Variants in ZNF107 observed in about 807,000 individuals in gnomAD.
ZNF107 encodes zinc finger protein 107.
Under a neutral mutation model 12.3 loss-of-function variants are expected in ZNF107, and 19 were observed. The observed-to-expected ratio is 1.55, with a 90% CI of 1.08 to 2.27. ZNF107 has a LOEUF of 2.27. Ranked by LOEUF, ZNF107 falls within the 30% of genes most tolerant of loss-of-function variation. ZNF107 has a pLI of 0.00. For synonymous variants in ZNF107, 317 were observed against 330.5 expected, an observed-to-expected ratio of 0.96 and a Z score of 0.44; for missense variants, 958 against 979.9, an observed-to-expected ratio of 0.98 and a Z score of 0.30.
chr7:64,680,786 T>A (rs1789631747), intron 1 of ZNF107, among the ~76,000 whole-genome samples: 1 of 152,206 alleles, frequency 6.6e-6, no homozygotes, highest in Admixed American at 6.5e-5. Flanking sequence ...TTAATTAACC[T>A]TGCCTTTAAG....
intron 3 of ZNF107, among the ~76,000 whole-genome samples, chr7:64,698,914 TCTC>T (rs748278794): frequency 6.6e-6 from 1 of 152,192 alleles, no homozygotes; most frequent in East Asian, 1.9e-4. Context: ...GATATCCAGT[TCTC>T]AACATTATTT....
chr7:64,670,805 C>T (rs752896773), intron 1 of ZNF107, among the ~76,000 whole-genome samples: 33 of 152,126 alleles, frequency 2.2e-4, no homozygotes, highest in Non-Finnish European at 1.8e-4. Context: ...GTAAACTGGT[C>T]GACATAACCA....
chr7:64,684,814 C>A, intron 1 of ZNF107: 1 of 836,874 alleles, frequency 1.2e-6, no homozygotes, highest in Non-Finnish European at 1.4e-6. Flanking sequence ...TCTATCCCTC[C>A]TGCTCCTTTG....
At chr7:64,680,662 C>G (rs986423311) in intron 1 of ZNF107, among the ~76,000 whole-genome samples, 3 of 152,202 alleles carry the variant, frequency 2.0e-5, no homozygotes, top group African/African-American at 7.2e-5. Context: ...GCTTTAGACC[C>G]TGAAGGGCCA....
intron 3 of ZNF107, among the ~76,000 whole-genome samples, chr7:64,697,246 T>C (rs1413550282): frequency 6.6e-6 from 1 of 152,214 alleles, no homozygotes; most frequent in Non-Finnish European, 1.5e-5. Context: ...GTTCCAAGTC[T>C]TTGCTATTGT....
chr7:64,709,046 T>A lies in ZNF107; in HGVS notation c.*390T>A. 1 of 458,262 alleles carries A rather than the reference T, an allele frequency of 2.2e-6. No homozygotes were observed. Among genetic ancestry groups the A allele is most frequent in the Non-Finnish European group, 4.3e-6 (1 of 230,232 alleles). The allele number at this position is 458,262 out of a possible 1,614,324, so 28.4% of individuals were successfully genotyped here. On this transcript the variant is annotated 3_prime_UTR_variant, in exon 4 of 4. Transcript: ENST00000620827. ...TAATTTATACTGGAGAGGAACTCTA[T>A]AGTTGTGAAGAATGTGGCAAAGCTT...
chr7:64,686,969 C>G, intron 1 of ZNF107: 16 of 985,432 alleles, frequency 1.6e-5, no homozygotes, highest in Non-Finnish European at 1.7e-5. Flanking sequence ...CCCCGTTATT[C>G]ATAATGCTCA....
In ZNF107 at chr7:64,690,629, T is replaced by C. The variant is rs901510535; in HGVS notation, c.4-619T>C. On this transcript the variant is annotated intron_variant, in intron 1 of 3. Transcript: ENST00000620827. ...TTTTCTATTCCTGCAGATCCAGTAG[T>C]TTCCCACAAGTCACAAAAAAATAAA... 4.6e-5 allele frequency: 35 copies of C among 764,892 alleles called. No homozygotes were observed. The African/African-American group carries it at 6.2e-4, about 14-fold the overall frequency. The allele number at this position is 764,892 out of a possible 1,614,324, so 47.4% of individuals were successfully genotyped here.
chr7:64,707,550 G>A lies in ZNF107; in HGVS notation c.1453G>A (p.Glu485Lys), dbSNP rs375936608. 4 of 1,613,132 alleles carry A rather than the reference G, an allele frequency of 2.5e-6. No homozygotes were observed. The East Asian group carries it at 8.9e-5, about 36-fold the overall frequency. The change falls in exon 4 of 4, where the codon GAA becomes AAA. Residue 485 changes from glutamate (E) to lysine (K), a missense_variant. Glu to Lys is a moderately conservative substitution (Grantham distance 56, BLOSUM62 1). Transcript: ENST00000620827. The part of the protein sequence containing the change: ...YSGEKPYKCE[E>K]CGKAFNRSST... ...TGGAGAGAAACCATACAAATGTGAAGAATGTGGAAAAGCTTTTAATCGATC... is the reference window on the plus strand; with the variant it reads ...TGGAGAGAAACCATACAAATGTGAAAAATGTGGAAAAGCTTTTAATCGATC...
At chr7:64,693,304 C>T (rs1451840351) in intron 3 of ZNF107, among the ~76,000 whole-genome samples, 5 of 150,154 alleles carry the variant, frequency 3.3e-5, no homozygotes, top group African/African-American at 1.2e-4. Context: ...TGAGCCACCA[C>T]GCCTGGCCAG....
At chr7:64,686,733 A>C in intron 1 of ZNF107, 1 of 890,486 alleles carries the variant, frequency 1.1e-6, no homozygotes, top group Non-Finnish European at 1.3e-6. Flanking sequence ...CTGGTTGATC[A>C]ACTTCTTGAG....
At position 64,707,414 on chromosome 7, in the gene ZNF107, C is replaced by T. The variant is rs749112190; in HGVS notation, c.1317C>T (p.Asn439=). The T allele has an allele frequency of 1.4e-5, 23 of 1,612,964 alleles. No individual in the cohort carries two copies. In the Middle Eastern group the frequency reaches 4.9e-4, roughly 35 times the overall value. Residue 439 remains asparagine (N), a synonymous_variant, in exon 4 of 4, where the codon AAC becomes AAT. Transcript: ENST00000620827. ...ECGKAFNQSS[N]LTEHKKIHTA... ...GCAAAGCTTTTAACCAATCTTCAAA[C>T]CTTACTGAACATAAGAAAATTCATA...
At chr7:64,702,019 T>C (rs770115473) in intron 3 of ZNF107, among the ~76,000 whole-genome samples, 6 of 152,222 alleles carry the variant, frequency 3.9e-5, no homozygotes, top group Non-Finnish European at 7.3e-5. Context: ...TTTTCTTCTG[T>C]TTTCTTCAAT....
intron 3 of ZNF107, among the ~76,000 whole-genome samples, chr7:64,704,939 A>T (rs1245552986): frequency 6.6e-6 from 1 of 152,180 alleles, no homozygotes; most frequent in African/African-American, 2.4e-5. Flanking sequence ...TTGGTCTCCC[A>T]ATGTGCTGGG....
intron 1 of ZNF107, among the ~76,000 whole-genome samples, chr7:64,666,818 G>A (rs1026157072): frequency 1.1e-4 from 16 of 152,274 alleles, no homozygotes; most frequent in African/African-American, 3.6e-4. Context: ...TTCCATGGGA[G>A]GGGCTTGAAG....
chr7:64,697,142 TG>T (rs1790319285), intron 3 of ZNF107, among the ~76,000 whole-genome samples: 1 of 152,234 alleles, frequency 6.6e-6, no homozygotes, highest in Non-Finnish European at 1.5e-5. Context: ...ACAAAGGACA[TG>T]AACTCATCCT....
At chr7:64,703,838 C>T (rs1790552895) in intron 3 of ZNF107, among the ~76,000 whole-genome samples, 1 of 151,912 alleles carries the variant, frequency 6.6e-6, no homozygotes, top group South Asian at 2.1e-4. Flanking sequence ...TAATTTGATT[C>T]TTGTATCTTT....
intron 3 of ZNF107, among the ~76,000 whole-genome samples, chr7:64,698,758 A>G (rs1398481618): frequency 6.6e-6 from 1 of 152,156 alleles, no homozygotes; most frequent in Non-Finnish European, 1.5e-5. Context: ...TAAGAAAGTA[A>G]TGCCAAGACC....
At position 64,678,608 on chromosome 7, in the gene ZNF107, T is replaced by C. The variant is rs562333566; in HGVS notation, c.3+12323T>C. ...TCATACTTTCAAAACATAAAGTGTT[T>C]TAATTGAATTATGGTTACAGACAAT... On this transcript the variant is annotated intron_variant, in intron 1 of 3. Transcript: ENST00000620827. Among the ~76,000 whole-genome samples, 5 of 152,326 alleles carry C rather than the reference T, an allele frequency of 3.3e-5. No individual in the cohort carries two copies. In the South Asian group the frequency reaches 1.0e-3, roughly 32 times the overall value.
Sources: allele counts gnomAD v4.1 joint callset (sites outside exome capture counted in the v4.1 genomes callset), GRCh38; gene constraint gnomAD v4.1.1; transcripts MANE v1.5; gene names NCBI Gene and HGNC (gene_info 2026-07-23, HGNC 2026-07-21).